The following DLG2 variants were observed in gnomAD, a reference collection of about 807,000 sequenced individuals.
The protein encoded by DLG2 is disks large homolog 2.
A neutral mutation model predicts 132.5 loss-of-function variants in DLG2; 45 were observed. That is an observed-to-expected ratio of 0.34 (90% CI 0.27 to 0.44). The LOEUF is 0.44. DLG2 is among the 20% of genes least tolerant of loss of function. DLG2 has a pLI of 1.00. For synonymous variants in DLG2, 424 were observed against 419.6 expected, an observed-to-expected ratio of 1.01 and a Z score of -0.13; for missense variants, 1,045 against 1,196.9, an observed-to-expected ratio of 0.87 and a Z score of 1.87.
intron 6 of DLG2, among the ~76,000 whole-genome samples, chr11:85,074,026 G>C (rs757593739): frequency 1.3e-5 from 2 of 151,838 alleles, no homozygotes; most frequent in African/African-American, 4.8e-5. Flanking sequence ...GTTCTCACAA[G>C]TGGGAGCTAA....
intron 15 of DLG2, among the ~76,000 whole-genome samples, chr11:83,912,474 T>C (rs923347937): frequency 1.3e-5 from 2 of 152,184 alleles, no homozygotes; most frequent in Non-Finnish European, 1.5e-5. Context: ...AAAAGAGTGC[T>C]AGCTGATTTC....
chr11:84,709,322 A>G (rs949300345), intron 6 of DLG2, among the ~76,000 whole-genome samples: 14 of 151,888 alleles, frequency 9.2e-5, no homozygotes, highest in Non-Finnish European at 1.6e-4. Context: ...ATGAACATGA[A>G]AAAGCTTCTT....
intron 19 of DLG2, among the ~76,000 whole-genome samples, chr11:83,597,803 AAACAAACAAAC>A (rs2057870888): frequency 6.6e-6 from 1 of 150,824 alleles, no homozygotes; most frequent in Non-Finnish European, 1.5e-5. Context: ...ACAAACAAAC[AAACAAACAAAC>A]AAACACAAAA....
intron 12 of DLG2, among the ~76,000 whole-genome samples, chr11:83,970,935 C>T (rs1427165460): frequency 6.6e-6 from 1 of 152,022 alleles, no homozygotes; most frequent in Non-Finnish European, 1.5e-5. Flanking sequence ...AAAAAGTGCT[C>T]TTTTGTGCTG....
At chr11:85,394,905 A>G (rs2087153653) in intron 3 of DLG2, among the ~76,000 whole-genome samples, 1 of 152,166 alleles carries the variant, frequency 6.6e-6, no homozygotes, top group Admixed American at 6.6e-5. Context: ...TGAATATAGC[A>G]TTCTTGCCTG....
chr11:84,849,637 A>G (rs962442913), intron 6 of DLG2, among the ~76,000 whole-genome samples: 1 of 151,966 alleles, frequency 6.6e-6, no homozygotes, highest in African/African-American at 2.4e-5. Context: ...TACCCTCTAG[A>G]TGTTAGTTCA....
chr11:83,814,152 A>G (rs1199083895), intron 17 of DLG2, among the ~76,000 whole-genome samples: 1 of 152,194 alleles, frequency 6.6e-6, no homozygotes, highest in Admixed American at 6.6e-5. Flanking sequence ...ATAAACACCT[A>G]GATCATACAT....
intron 3 of DLG2, among the ~76,000 whole-genome samples, chr11:85,377,803 A>ATATATATG (rs35141583): frequency 0.13 from 16,662 of 130,850 alleles, 1,136 homozygotes; most frequent in Middle Eastern, 0.17. Context: ...ATATATATAT[A>ATATATATG]TGTGTGTGTG....
At chr11:85,500,420 T>G (rs572236699) in intron 3 of DLG2, among the ~76,000 whole-genome samples, 1 of 140,546 alleles carries the variant, frequency 7.1e-6, no homozygotes, top group South Asian at 2.4e-4. Context: ...AGGGATAGCA[T>G]TGGGAGATAT....
In DLG2 at chr11:84,297,190, A is replaced by G. The variant is rs184321312; in HGVS notation, c.520-45899T>C. ...TAATATATTAGCCTGTCTGAAGAAA[A>G]ATTGAATCAATCAGAAGTTTGGGAG... On this transcript the variant is annotated intron_variant, in intron 7 of 27. Coordinates refer to ENST00000376104, the MANE Select transcript of DLG2 (RefSeq NM_001142699.3). Among the ~76,000 whole-genome samples the G allele has an allele frequency of 2.3e-3, 346 of 152,236 alleles. 1 individual carries two copies. Among genetic ancestry groups the G allele is most frequent in the African/African-American group, 7.9e-3 (328 of 41,546 alleles).
intron 7 of DLG2, among the ~76,000 whole-genome samples, chr11:84,424,237 A>T (rs1046708805): frequency 2.6e-5 from 4 of 152,134 alleles, no homozygotes; most frequent in Admixed American, 1.3e-4. Context: ...AGTGAAACTC[A>T]AGGTTGCTAT....
At chr11:84,631,148 T>C (rs1329957352) in intron 6 of DLG2, among the ~76,000 whole-genome samples, 1 of 151,044 alleles carries the variant, frequency 6.6e-6, no homozygotes, top group African/African-American at 2.4e-5. Context: ...CTACCAAAAG[T>C]AATGGCAGGG....
intron 11 of DLG2, among the ~76,000 whole-genome samples, chr11:84,033,787 C>T (rs71469614): frequency 0.022 from 3,412 of 152,212 alleles, 68 homozygotes; most frequent in Middle Eastern, 0.034. Context: ...GCCTGTAATC[C>T]CAGCACTTTG....
At chr11:84,193,947 G>T (rs747973074) in intron 8 of DLG2, among the ~76,000 whole-genome samples, 1 of 152,136 alleles carries the variant, frequency 6.6e-6, no homozygotes, top group Non-Finnish European at 1.5e-5. Flanking sequence ...ATAGAGGACT[G>T]CTGGCGTATG....
intron 17 of DLG2, among the ~76,000 whole-genome samples, chr11:83,795,269 G>A (rs956652304): frequency 2.6e-5 from 4 of 152,046 alleles, no homozygotes; most frequent in African/African-American, 7.2e-5. Flanking sequence ...TTAGCCAGGT[G>A]TGGTGGCAGT....
intron 7 of DLG2, among the ~76,000 whole-genome samples, chr11:84,421,327 T>C (rs1218859317): frequency 6.6e-6 from 1 of 152,222 alleles, no homozygotes; most frequent in Non-Finnish European, 1.5e-5. Context: ...TATTTATGTC[T>C]GCAATTGTCA....
At chr11:83,544,243 T>C (rs1436016237) in intron 19 of DLG2, among the ~76,000 whole-genome samples, 1 of 152,178 alleles carries the variant, frequency 6.6e-6, no homozygotes, top group Non-Finnish European at 1.5e-5. Context: ...TATCTTTTTG[T>C]GGTAATAAAT....
rs191586071 is a variant in DLG2 at position 85,541,641 on chromosome 11, T to C, written c.40+57016A>G. 1.9e-3 allele frequency among the ~76,000 whole-genome samples: 288 copies of C among 152,208 alleles called. 1 individual carries two copies. The highest frequency in any genetic ancestry group is 2.7e-3 in the Non-Finnish European group (185 of 67,982). On this transcript the variant is annotated intron_variant, in intron 3 of 27. Transcript: ENST00000376104. ...TGCTGATTGTTTATGGAACAATTCA[T>C]AGAGTGAGTGCAAAAAAACACAGAT... is the stretch of plus-strand genomic sequence containing the variant.
rs76088866 is a variant in DLG2 at position 83,677,941 on chromosome 11, G to T, written c.1826-44616C>A. 2.8e-4 allele frequency among the ~76,000 whole-genome samples: 42 copies of T among 152,270 alleles called. No homozygotes were observed. In the East Asian group the frequency reaches 7.5e-3, roughly 27 times the overall value. ...AGGCGGAACCTCCCCTGTGAGGCAG[G>T]GTTCCACTTGGATGCTTCAGGCAGC... is the stretch of plus-strand genomic sequence containing the variant. On this transcript the variant is annotated intron_variant, in intron 18 of 27. Coordinates refer to ENST00000376104, the MANE Select transcript of DLG2 (RefSeq NM_001142699.3).
Sources: gnomAD v4.1 joint callset for allele counts (sites outside exome capture counted in the v4.1 genomes callset) on GRCh38, gnomAD v4.1.1 for gene constraint, MANE v1.5 for transcripts, NCBI Gene and HGNC (gene_info 2026-07-23, HGNC 2026-07-21) for gene names.